FEZ1: variants seen among roughly 807,000 people sequenced by gnomAD.
FEZ1 encodes fasciculation and elongation protein zeta 1, also known as fasciculation and elongation protein zeta-1.
Under a neutral mutation model 49.3 loss-of-function variants are expected in FEZ1, and 20 were observed. The observed-to-expected ratio is 0.41, with a 90% CI of 0.29 to 0.59. FEZ1 has a LOEUF of 0.59. FEZ1 is among the 20% of genes least tolerant of loss of function. The probability of loss-of-function intolerance (pLI) is 0.36; values close to 1 mark genes in which losing one functional copy is unlikely to be tolerated. For missense variants in FEZ1, 413 were observed against 476.0 expected, an observed-to-expected ratio of 0.87 and a Z score of 1.23; for synonymous variants, 170 against 180.9, an observed-to-expected ratio of 0.94 and a Z score of 0.48.
At chr11:125,478,299 G>A (rs1349461866) in intron 3 of FEZ1, among the ~76,000 whole-genome samples, 7 of 152,078 alleles carry the variant, frequency 4.6e-5, no homozygotes, top group Admixed American at 1.3e-4. Context: ...AAAATTAGCT[G>A]AGCATGATGG....
chr11:125,480,328 G>C (rs1270288630), intron 3 of FEZ1, among the ~76,000 whole-genome samples: 2 of 152,050 alleles, frequency 1.3e-5, no homozygotes, highest in Admixed American at 1.3e-4. Flanking sequence ...CAAGGCTGTA[G>C]TGAGCCGAGA....
chr11:125,493,425 GGAAAGAAGGAAAGAAGGAAA>G, intron 1 of FEZ1, among the ~76,000 whole-genome samples: 1 of 35,134 alleles, frequency 2.8e-5, no homozygotes, highest in South Asian at 1.2e-3. Context: ...AAAGAAAGAA[GGAAAGAAGGAAAGAAGGAAA>G]GAAGGAAAGA....
intron 5 of FEZ1, among the ~76,000 whole-genome samples, chr11:125,457,479 T>C (rs1391126026): frequency 1.0e-4 from 6 of 58,582 alleles, no homozygotes; most frequent in Non-Finnish European, 1.6e-4. Context: ...TATGTATATA[T>C]ACACATATAT....
At chr11:125,451,635 T>G (rs1215855233) in intron 8 of FEZ1, 1 of 152,202 alleles carries the variant, frequency 6.6e-6, no homozygotes. Context: ...AGCCTAGGAT[T>G]TTTCTCGTCC....
chr11:125,496,036 T>G, intron 1 of FEZ1, 85 bp downstream of exon 1: 3 of 159,928 alleles, frequency 1.9e-5, no homozygotes, highest in Non-Finnish European at 1.4e-5. Flanking sequence ...TGTCAGAGAA[T>G]CCCGGGGCCT....
chr11:125,451,171 T>A (rs1956951034), intron 8 of FEZ1, among the ~76,000 whole-genome samples: 1 of 152,158 alleles, frequency 6.6e-6, no homozygotes, highest in African/African-American at 2.4e-5. Context: ...AACACAAACA[T>A]CTATAAATGT....
At chr11:125,481,812 G>A (rs1957281898) in intron 2 of FEZ1, 179 bp from the exon 3 acceptor site, 2 of 612,686 alleles carry the variant, frequency 3.3e-6, no homozygotes, top group South Asian at 1.9e-5. Flanking sequence ...ATCCAGGGGA[G>A]AAAGTGCATG....
chr11:125,471,857 T>C (rs1052326558), intron 3 of FEZ1, among the ~76,000 whole-genome samples: 1 of 152,110 alleles, frequency 6.6e-6, no homozygotes, highest in African/African-American at 2.4e-5. Context: ...AGACGTACCA[T>C]ATGCTGGACC....
chr11:125,468,005 A>G (rs550376495), intron 3 of FEZ1, among the ~76,000 whole-genome samples: 1 of 152,310 alleles, frequency 6.6e-6, no homozygotes, highest in East Asian at 1.9e-4. Context: ...AAAGTGGTAA[A>G]TTGTGAAAAA....
At chr11:125,492,482 G>A (rs1224851650) in intron 1 of FEZ1, among the ~76,000 whole-genome samples, 1 of 152,194 alleles carries the variant, frequency 6.6e-6, no homozygotes, top group Non-Finnish European at 1.5e-5. Flanking sequence ...GAATCCCTGA[G>A]CAACAAAAAA....
At position 125,489,432 on chromosome 11, in the gene FEZ1, G is replaced by A. The variant is rs370729580; in HGVS notation, c.311+35C>T. The A allele has an allele frequency of 1.0e-5, 16 of 1,576,742 alleles. No homozygotes were observed. In the Admixed American group the frequency reaches 2.2e-4, roughly 22 times the overall value. On this transcript the variant is annotated intron_variant, in intron 2 of 9. Coordinates refer to ENST00000278919, the MANE Select transcript of FEZ1 (RefSeq NM_005103.5). The surrounding 1 kb of genome is among the most constrained non-coding windows in gnomAD (Gnocchi z 4.2). ...AGGAGACAAGGACTACAGGGCTCTC[G>A]ACTGAAGCAGGAGAGGGCAATTAAG...
At chr11:125,447,897 A>G (rs1956912972) in intron 9 of FEZ1, among the ~76,000 whole-genome samples, 1 of 152,136 alleles carries the variant, frequency 6.6e-6, no homozygotes, top group Admixed American at 6.6e-5. Flanking sequence ...TTTCCTCAAG[A>G]GTTCCTATGT....
intron 2 of FEZ1, among the ~76,000 whole-genome samples, chr11:125,482,545 A>G (rs1349579217): frequency 6.6e-6 from 1 of 152,218 alleles, no homozygotes; most frequent in African/African-American, 2.4e-5. Flanking sequence ...GAGGTTGGGG[A>G]AAATTTCAAA....
At chr11:125,459,397 G>A (rs1355621167) in intron 5 of FEZ1, among the ~76,000 whole-genome samples, 2 of 152,054 alleles carry the variant, frequency 1.3e-5, no homozygotes, top group Non-Finnish European at 2.9e-5. Context: ...TTTGAGAACA[G>A]CCTGGCCAAC....
At chr11:125,452,215 AT>A (rs1241679129) in intron 8 of FEZ1, 118 bp downstream of exon 8, 4 of 719,692 alleles carry the variant, frequency 5.6e-6, no homozygotes, top group African/African-American at 3.5e-5. Context: ...TTTGGAGGGT[AT>A]TTTGGCCCAT....
Position 125,493,099 on chromosome 11 carries a change from C to CAG in FEZ1, c.-46+3021_-46+3022insCT, listed in dbSNP as rs1340376035. On this transcript the variant is annotated intron_variant, in intron 1 of 9. Transcript: ENST00000278919. ...CCCAGCACTTTGGGAGGCTGAGGTG[C>CAG]GTGGATCACCTGAGGTCAGGAGTTC... 6.7e-5 allele frequency among the ~76,000 whole-genome samples: 10 copies of CAG among 150,360 alleles called. No homozygotes were observed. In the East Asian group the frequency reaches 2.0e-3, roughly 29 times the overall value.
intron 5 of FEZ1, chr11:125,460,099 C>CA (rs921400965): frequency 2.5e-4 from 37 of 146,138 alleles, no homozygotes; most frequent in South Asian, 8.6e-4. Flanking sequence ...GACTCTGTCT[C>CA]AAAAAAAAAA....
intron 3 of FEZ1, among the ~76,000 whole-genome samples, chr11:125,475,943 T>C (rs1042798454): frequency 4.6e-5 from 7 of 152,200 alleles, no homozygotes; most frequent in African/African-American, 1.7e-4. Flanking sequence ...GATATATCCA[T>C]ACAACAGAAT....
At position 125,460,478 on chromosome 11, in the gene FEZ1, C is replaced by T. The variant is rs1178587230; in HGVS notation, c.667+20G>A. 6.2e-7 allele frequency: 1 copy of T among 1,609,920 alleles called. No individual in the cohort carries two copies. The highest frequency in any genetic ancestry group is 8.5e-7 in the Non-Finnish European group (1 of 1,177,580). On this transcript the variant is annotated intron_variant, in intron 5 of 9. Transcript: ENST00000278919. ...AGCAGGTGCTTCCTCCTCGGCCAGC[C>T]CAGCGCCCAGGGCCCTCACCTTCAT...
Sources: allele counts gnomAD v4.1 joint callset (sites outside exome capture counted in the v4.1 genomes callset), GRCh38; gene constraint gnomAD v4.1.1; non-coding constraint Gnocchi (gnomAD v3.1); transcripts MANE v1.5; gene names NCBI Gene and HGNC (gene_info 2026-07-23, HGNC 2026-07-21).